Variants in SLC15A5 observed in about 807,000 individuals in gnomAD.
SLC15A5 encodes the protein solute carrier family 15 member 5, also known as Peptide/histidine transporter ENSP00000340402.
A neutral mutation model predicts 56.1 loss-of-function variants in SLC15A5; 58 were observed. That is an observed-to-expected ratio of 1.03 (90% CI 0.84 to 1.29). The LOEUF (loss-of-function observed/expected upper bound fraction) is 1.29. Among genes scored for constraint, SLC15A5 ranks in the 50% most tolerant of loss-of-function variants. SLC15A5 has a pLI of 0.00. For synonymous variants in SLC15A5, 264 were observed against 250.5 expected, an observed-to-expected ratio of 1.05 and a Z score of -0.51; for missense variants, 681 against 672.1, an observed-to-expected ratio of 1.01 and a Z score of -0.15.
intron 2 of SLC15A5, among the ~76,000 whole-genome samples, chr12:16,270,915 T>A (rs1359976904): frequency 6.6e-6 from 1 of 152,206 alleles, no homozygotes; most frequent in East Asian, 1.9e-4. Flanking sequence ...ACAACCAGAT[T>A]CAGCCTTCAA....
At chr12:16,236,690 T>C (rs1037803762) in intron 5 of SLC15A5, among the ~76,000 whole-genome samples, 12 of 152,300 alleles carry the variant, frequency 7.9e-5, no homozygotes, top group Non-Finnish European at 1.2e-4. Context: ...GACTTTACCA[T>C]CTGCCTCCTT....
In SLC15A5 at chr12:16,189,611, C is replaced by T. The variant is rs878979817; in HGVS notation, c.*57G>A. 2 of 1,344,366 alleles carry T rather than the reference C, an allele frequency of 1.5e-6. No individual in the cohort carries two copies. The highest frequency in any genetic ancestry group is 9.6e-7 in the Non-Finnish European group (1 of 1,044,794). 83.3% of individuals were successfully genotyped at this position (1,344,366 alleles called of 1,614,324 possible). On this transcript the variant is annotated 3_prime_UTR_variant, in exon 9 of 9. Transcript: ENST00000344941. Reference sequence around the variant, plus strand: ...ACACTAAAACACATAAAATGCTCAACTGAAGAAGAAAACAATGAATACTGT... The same window carrying T: ...ACACTAAAACACATAAAATGCTCAATTGAAGAAGAAAACAATGAATACTGT...
chr12:16,261,041 T>C (rs1864638582), intron 2 of SLC15A5, among the ~76,000 whole-genome samples: 1 of 152,190 alleles, frequency 6.6e-6, no homozygotes, highest in South Asian at 2.1e-4. Context: ...ACTGTTACTT[T>C]CTTTTCTCTT....
intron 7 of SLC15A5, among the ~76,000 whole-genome samples, chr12:16,199,617 A>G (rs972932690): frequency 6.6e-6 from 1 of 152,168 alleles, no homozygotes; most frequent in African/African-American, 2.4e-5. Context: ...GAATCACAGG[A>G]CAAGAAGAAA....
chr12:16,214,371 T>G (rs1193714733), intron 7 of SLC15A5, among the ~76,000 whole-genome samples: 1 of 152,176 alleles, frequency 6.6e-6, no homozygotes, highest in Non-Finnish European at 1.5e-5. Flanking sequence ...ACCTGATAGT[T>G]TATGCTAATG....
chr12:16,250,661 G>T (rs1864510933), intron 3 of SLC15A5, among the ~76,000 whole-genome samples: 1 of 151,882 alleles, frequency 6.6e-6, no homozygotes. Context: ...GTAAGATTAG[G>T]ATAAGTTGGT....
chr12:16,199,304 CAAAAA>C (rs10687463), intron 7 of SLC15A5, among the ~76,000 whole-genome samples: 1 of 91,360 alleles, frequency 1.1e-5, no homozygotes, highest in African/African-American at 4.3e-5. Flanking sequence ...TAGACTGTCT[CAAAAA>C]AAAAAAAAAA....
chr12:16,257,826 C>T lies in SLC15A5; in HGVS notation c.629G>A (p.Gly210Glu), dbSNP rs942253342. ...CTGTGAGTGCTGGATGTAAGATATTCCCAGAAACACAATAGTTGCATTTAG... is the reference window on the plus strand; with the variant it reads ...CTGTGAGTGCTGGATGTAAGATATTTCCAGAAACACAATAGTTGCATTTAG... ...MNLNATIVFL[G>E]ISYIQHSQAW... Residue 210 changes from glycine to glutamate, a missense_variant, in exon 3 of 9, where the codon GGA becomes GAA. Physicochemically the swap from Gly to Glu is moderately conservative, Grantham distance 98 (BLOSUM62 -2). Coordinates refer to ENST00000344941, the MANE Select transcript of SLC15A5 (RefSeq NM_001170798.1). 2.6e-6 allele frequency: 4 copies of T among 1,515,096 alleles called. No homozygotes were observed. The highest frequency in any genetic ancestry group is 2.5e-5 in the East Asian group (1 of 40,042). 93.9% of individuals were successfully genotyped at this position (1,515,096 alleles called of 1,614,324 possible). A position where few individuals can be genotyped will look rare whatever the true frequency, so the allele number is the denominator to read the frequency against.
intron 7 of SLC15A5, among the ~76,000 whole-genome samples, chr12:16,207,098 ATTAAT>A (rs1864026849): frequency 6.6e-6 from 1 of 152,206 alleles, no homozygotes; most frequent in Admixed American, 6.5e-5. Context: ...TATATCTGAT[ATTAAT>A]TTGAGTGTCA....
At position 16,272,835 on chromosome 12, in the gene SLC15A5, C is replaced by T. The variant is rs973309103; in HGVS notation, c.362-52G>A. ...AATGTAGCATAGAACAAGTGGATCA[C>T]CAAATCACATTTTAAACAGGGTTTT... On this transcript the variant is annotated intron_variant, in intron 1 of 8. Transcript: ENST00000344941. The T allele has an allele frequency of 1.3e-5, 19 of 1,438,234 alleles. No individual in the cohort carries two copies. In the African/African-American group the frequency reaches 2.3e-4, roughly 17 times the overall value. The allele number at this position is 1,438,234 out of a possible 1,614,324, so 89.1% of individuals were successfully genotyped here. A position where few individuals can be genotyped will look rare whatever the true frequency, so the allele number is the denominator to read the frequency against.
rs899371477 is a variant in SLC15A5, at chr12:16,271,956, G to A, written c.584+605C>T. ...GGGAGCGAACTGGGTGAGAAACAGA[G>A]ATGCTGGGTGATGCTTTAACAAATT... On this transcript the variant is annotated intron_variant, in intron 2 of 8. Coordinates refer to ENST00000344941, the MANE Select transcript of SLC15A5 (RefSeq NM_001170798.1). The surrounding 1 kb of genome is among the most constrained non-coding windows in gnomAD (Gnocchi z 8.0). Among the ~76,000 whole-genome samples, 1 of 152,180 alleles carries A rather than the reference G, an allele frequency of 6.6e-6. No homozygotes were observed. Among genetic ancestry groups the A allele is most frequent in the African/African-American group, 2.4e-5 (1 of 41,458 alleles).
chr12:16,200,886 A>G (rs774838715), intron 7 of SLC15A5, among the ~76,000 whole-genome samples: 1 of 152,154 alleles, frequency 6.6e-6, no homozygotes, highest in Non-Finnish European at 1.5e-5. Context: ...AAGGAAATAG[A>G]GATGAGAACA....
chr12:16,248,496 C>G (rs965112596), intron 3 of SLC15A5, among the ~76,000 whole-genome samples: 1 of 151,948 alleles, frequency 6.6e-6, no homozygotes, highest in African/African-American at 2.4e-5. Context: ...AGTAATAAAC[C>G]TAAGTTGATC....
At position 16,268,114 on chromosome 12, in the gene SLC15A5, A is replaced by G. The variant is rs1402591755; in HGVS notation, c.584+4447T>C. Among the ~76,000 whole-genome samples, 9 of 114,872 alleles carry G rather than the reference A, an allele frequency of 7.8e-5. 4 individuals are homozygous for G. Among genetic ancestry groups the G allele is most frequent in the Non-Finnish European group, 1.7e-4 (9 of 54,288 alleles). The allele number at this position is 114,872 out of a possible 152,430, so 75.4% of individuals were successfully genotyped here. On this transcript the variant is annotated intron_variant, in intron 2 of 8. Transcript: ENST00000344941. Reference sequence around the variant, plus strand: ...GAACATGCGCCCGGCTCTGTGGCTCATGCCTGTAATCCTGGCACTTTGGAG... The same window carrying G: ...GAACATGCGCCCGGCTCTGTGGCTCGTGCCTGTAATCCTGGCACTTTGGAG...
At chr12:16,194,295 C>G (rs558210141) in intron 8 of SLC15A5, 50 bp downstream of exon 8, 1 of 1,216,556 alleles carries the variant, frequency 8.2e-7, no homozygotes, top group South Asian at 1.4e-5. Context: ...GTTCCCAGAC[C>G]AATATTTCAT....
intron 5 of SLC15A5, among the ~76,000 whole-genome samples, chr12:16,233,563 T>C (rs1162287056): frequency 6.6e-6 from 1 of 152,230 alleles, no homozygotes; most frequent in African/African-American, 2.4e-5. Flanking sequence ...CTGTAGTGAT[T>C]GGCTAACCCC....
At chr12:16,209,904 A>G (rs768961769) in intron 7 of SLC15A5, among the ~76,000 whole-genome samples, 1 of 152,104 alleles carries the variant, frequency 6.6e-6, no homozygotes, top group Non-Finnish European at 1.5e-5. Flanking sequence ...TGGATCCATA[A>G]TGATCTTCCC....
At chr12:16,251,691 CAAAGA>C (rs1864520560) in intron 3 of SLC15A5, among the ~76,000 whole-genome samples, 1 of 151,818 alleles carries the variant, frequency 6.6e-6, no homozygotes, top group African/African-American at 2.4e-5. Flanking sequence ...AACCCCCTAA[CAAAGA>C]AAAGCCCAGG....
intron 7 of SLC15A5, among the ~76,000 whole-genome samples, chr12:16,198,567 C>T (rs1445464196): frequency 6.6e-6 from 1 of 152,134 alleles, no homozygotes; most frequent in African/African-American, 2.4e-5. Context: ...GTGTTTAATG[C>T]AACTACCACT....
Sources: gnomAD v4.1 joint callset for allele counts (sites outside exome capture counted in the v4.1 genomes callset) on GRCh38, gnomAD v4.1.1 for gene constraint, Gnocchi (gnomAD v3.1) non-coding constraint, MANE v1.5 for transcripts, NCBI Gene and HGNC (gene_info 2026-07-23, HGNC 2026-07-21) for gene names.